CACNA1C: variants seen among roughly 807,000 people sequenced by gnomAD.
CACNA1C encodes the protein voltage-dependent L-type calcium channel subunit alpha-1C.
A neutral mutation model predicts 229.0 loss-of-function variants in CACNA1C; 30 were observed. The ratio of observed to expected loss-of-function variants is 0.13; its 90% confidence interval spans 0.10 to 0.18. CACNA1C has a LOEUF of 0.18. Among genes scored for constraint, CACNA1C ranks in the 10% least tolerant of loss-of-function variants. CACNA1C has a pLI of 1.00. For missense variants in CACNA1C, 1,658 were observed against 2,845.0 expected (o/e 0.58, Z 9.49); for synonymous variants, 1,114 against 1,132.5 (o/e 0.98, Z 0.33).
intron 7 of CACNA1C, among the ~76,000 whole-genome samples, chr12:2,499,902 T>C (rs2099755168): frequency 6.6e-6 from 1 of 152,128 alleles, no homozygotes; most frequent in Non-Finnish European, 1.5e-5. Context: ...ATCGCCCTAC[T>C]TCAGAGCCAC....
Position 2,067,456 on chromosome 12 carries a change from G to A in CACNA1C, c.49+13845G>A, listed in dbSNP as rs900368628. Among the ~76,000 whole-genome samples, 4 of 98,708 alleles carry A rather than the reference G, an allele frequency of 4.1e-5. No individual in the cohort carries two copies. Among genetic ancestry groups the A allele is most frequent in the African/African-American group, 1.3e-4 (4 of 31,608 alleles). 64.8% of individuals were successfully genotyped at this position (98,708 alleles called of 152,430 possible). ...ACTGTGGACTAGGATGCACGTGTGT[G>A]TGTGTGTGTGTGTGTGTGTGTGTGT... On this transcript the variant is annotated intron_variant, in intron 1 of 46. Coordinates refer to ENST00000399655, the MANE Select transcript of CACNA1C (RefSeq NM_000719.7). The surrounding 1 kb of genome is among the most constrained non-coding windows in gnomAD (Gnocchi z 5.3).
intron 12 of CACNA1C, 48 bp from the exon 13 acceptor site, chr12:2,567,521 G>C (rs113619097): frequency 2.0e-5 from 24 of 1,192,240 alleles, no homozygotes; most frequent in Middle Eastern, 2.0e-4. Context: ...CTCCCTCTCT[G>C]CCTCCTCTGG....
chr12:2,304,293 G>A (rs932119409), intron 3 of CACNA1C, among the ~76,000 whole-genome samples: 1 of 152,198 alleles, frequency 6.6e-6, no homozygotes, highest in Admixed American at 6.5e-5. Flanking sequence ...GAAAGCTGGA[G>A]GGCGGTCCAG....
intron 1 of CACNA1C, chr12:2,004,292 G>A (rs2042907159): frequency 6.2e-7 from 1 of 1,613,038 alleles, no homozygotes; most frequent in African/African-American, 1.3e-5. Context: ...CCACTCGTTG[G>A]CCCGATGGCC....
intron 3 of CACNA1C, among the ~76,000 whole-genome samples, chr12:2,305,681 A>C (rs1321773332): frequency 6.6e-6 from 1 of 152,184 alleles, no homozygotes; most frequent in Non-Finnish European, 1.5e-5. Context: ...CCATTGCTTA[A>C]AAAATTTAAA....
At chr12:2,638,058 C>T (rs1372040561) in intron 30 of CACNA1C, among the ~76,000 whole-genome samples, 1 of 152,206 alleles carries the variant, frequency 6.6e-6, no homozygotes, top group Non-Finnish European at 1.5e-5. Context: ...TTTGAGGCAC[C>T]TGGGATCCAT....
chr12:2,337,703 C>G (rs1207755890), intron 3 of CACNA1C, among the ~76,000 whole-genome samples: 1 of 152,200 alleles, frequency 6.6e-6, no homozygotes, highest in African/African-American at 2.4e-5. Flanking sequence ...CACCCAGCCC[C>G]TTTGAGATGC....
intron 3 of CACNA1C, among the ~76,000 whole-genome samples, chr12:2,200,562 C>T (rs998884745): frequency 6.6e-6 from 1 of 152,182 alleles, no homozygotes; most frequent in Non-Finnish European, 1.5e-5. Context: ...AAACCTTGTT[C>T]TGGAGTCTGA....
chr12:2,052,659 C>A (rs1427807696), upstream of CACNA1C, among the ~76,000 whole-genome samples: 1 of 145,192 alleles, frequency 6.9e-6, no homozygotes, highest in African/African-American at 2.5e-5. Flanking sequence ...GCGCCGCGCG[C>A]CCCGGCCTCC....
intron 5 of CACNA1C, among the ~76,000 whole-genome samples, chr12:2,480,542 G>A (rs1164767118): frequency 6.6e-6 from 1 of 152,192 alleles, no homozygotes; most frequent in Non-Finnish European, 1.5e-5. Flanking sequence ...TCTCTAGCAC[G>A]CAAGCATGGC....
At chr12:2,529,468 T>G (rs1454465751) in intron 9 of CACNA1C, among the ~76,000 whole-genome samples, 7 of 152,214 alleles carry the variant, frequency 4.6e-5, no homozygotes, top group African/African-American at 1.4e-4. Context: ...CAGATCCTGG[T>G]GCATAGGCAA....
intron 45 of CACNA1C, among the ~76,000 whole-genome samples, chr12:2,686,894 A>C (rs1446757753): frequency 6.6e-6 from 1 of 152,216 alleles, no homozygotes; most frequent in Non-Finnish European, 1.5e-5. Context: ...TATTAACCCC[A>C]GGCAAACTGA....
intron 3 of CACNA1C, among the ~76,000 whole-genome samples, chr12:2,355,676 T>A (rs2097340432): frequency 6.6e-6 from 1 of 152,212 alleles, no homozygotes; most frequent in African/African-American, 2.4e-5. Context: ...TTTAACTTCC[T>A]ATTACAGCTA....
chr12:2,497,049 G>GT (rs1393333866), intron 7 of CACNA1C, among the ~76,000 whole-genome samples: 5 of 152,126 alleles, frequency 3.3e-5, no homozygotes, highest in East Asian at 1.9e-4. Flanking sequence ...TTAGTTTCAC[G>GT]TTTTGTTTTT....
chr12:2,512,225 A>G lies in CACNA1C; in HGVS notation c.1218-587A>G, dbSNP rs1303327515. ...GCATTTGCCAGTTACCATGGTGTAA[A>G]TATTCCCACTGTGGCCGATCTCAAG... On this transcript the variant is annotated intron_variant, in intron 8 of 46. Transcript: ENST00000399655. The surrounding 1 kb of genome is among the most constrained non-coding windows in gnomAD (Gnocchi z 4.3). 6.6e-6 allele frequency among the ~76,000 whole-genome samples: 1 copy of G among 152,136 alleles called. No individual in the cohort carries two copies. The highest frequency in any genetic ancestry group is 1.5e-5 in the Non-Finnish European group (1 of 68,026).
chr12:2,663,843 G>A (rs910034885), intron 34 of CACNA1C, among the ~76,000 whole-genome samples: 3 of 144,212 alleles, frequency 2.1e-5, no homozygotes, highest in Non-Finnish European at 4.5e-5. Context: ...CCGGGTTCAC[G>A]CCATTCTCCT....
At chr12:2,129,291 T>A (rs565939047) in intron 3 of CACNA1C, among the ~76,000 whole-genome samples, 18 of 152,260 alleles carry the variant, frequency 1.2e-4, no homozygotes, top group Middle Eastern at 6.8e-3. Flanking sequence ...TCTGGATGGG[T>A]CTGTGCTTCA....
At chr12:1,991,235 C>T in intron 1 of CACNA1C, 1 of 456,076 alleles carries the variant, frequency 2.2e-6, no homozygotes, top group Non-Finnish European at 4.4e-6. Flanking sequence ...ACTGGAGTCT[C>T]AGTTTCCTCA....
intron 9 of CACNA1C, among the ~76,000 whole-genome samples, chr12:2,548,628 A>G (rs978543604): frequency 6.6e-6 from 1 of 152,190 alleles, no homozygotes; most frequent in African/African-American, 2.4e-5. Context: ...GAGGTCTCTC[A>G]TACACAACAG....
Sources: gnomAD v4.1 joint callset for allele counts (sites outside exome capture counted in the v4.1 genomes callset) on GRCh38, gnomAD v4.1.1 for gene constraint, Gnocchi (gnomAD v3.1) non-coding constraint, MANE v1.5 for transcripts, NCBI Gene and HGNC (gene_info 2026-07-23, HGNC 2026-07-21) for gene names.